Variants in TMC3 observed in about 807,000 individuals in gnomAD.
TMC3 encodes the protein transmembrane channel like 3, also known as transmembrane channel-like protein 3.
A neutral mutation model predicts 110.6 loss-of-function variants in TMC3; 98 were observed. The observed-to-expected ratio is 0.89, with a 90% CI of 0.75 to 1.05. The LOEUF is 1.05. TMC3 is among the 50% of genes least tolerant of loss of function. The pLI is 0.00. For synonymous variants in TMC3, 489 were observed against 513.1 expected, an observed-to-expected ratio of 0.95 and a Z score of 0.63; for missense variants, 1,319 against 1,373.2, an observed-to-expected ratio of 0.96 and a Z score of 0.62.
intron 11 of TMC3, among the ~76,000 whole-genome samples, chr15:81,347,989 G>A (rs1003605082): frequency 1.3e-5 from 2 of 152,214 alleles, no homozygotes; most frequent in African/African-American, 4.8e-5. Context: ...TGAAATGACA[G>A]TTGAATTTCA....
chr15:81,365,425 C>A (rs1317257098), intron 3 of TMC3, among the ~76,000 whole-genome samples: 1 of 152,200 alleles, frequency 6.6e-6, no homozygotes, highest in Non-Finnish European at 1.5e-5. Flanking sequence ...GTAATCCCAG[C>A]ATTTTGGGAG....
Position 81,338,783 on chromosome 15 carries a change from G to T in TMC3, c.1956-3C>A. 2 of 1,613,266 alleles carry T rather than the reference G, an allele frequency of 1.2e-6. No individual in the cohort carries two copies. Among genetic ancestry groups the T allele is most frequent in the South Asian group, 2.2e-5 (2 of 90,934 alleles). On this transcript the variant is annotated splice_polypyrimidine_tract_variant and splice_region_variant and intron_variant, in intron 17 of 21. Coordinates refer to ENST00000359440, the MANE Select transcript of TMC3 (RefSeq NM_001080532.3). ...TGTCATAAATTTTCTCTTGTCCACT[G>T]TGAGAAAGAAAAACATAACTCCAGA... is the stretch of plus-strand genomic sequence containing the variant.
intron 21 of TMC3, 52 bp from the exon 22 acceptor site, chr15:81,333,314 C>T: frequency 6.4e-7 from 1 of 1,558,616 alleles, no homozygotes; most frequent in Non-Finnish European, 8.7e-7. Context: ...CTCAGAGCCC[C>T]ACACCTGAGG....
Sources: allele counts gnomAD v4.1 joint callset (sites outside exome capture counted in the v4.1 genomes callset), GRCh38; gene constraint gnomAD v4.1.1; transcripts MANE v1.5; gene names NCBI Gene and HGNC (gene_info 2026-07-23, HGNC 2026-07-21).